The following TUBE1 variants were observed in gnomAD, a reference collection of about 807,000 sequenced individuals.
The protein encoded by TUBE1 is tubulin epsilon chain.
A neutral mutation model predicts 53.5 loss-of-function variants in TUBE1; 34 were observed. The ratio of observed to expected loss-of-function variants is 0.64; its 90% CI spans 0.48 to 0.85. The LOEUF is 0.85. Ranked by LOEUF, TUBE1 falls within the 40% of genes least tolerant of loss-of-function variation. TUBE1 has a pLI of 0.00. For missense variants in TUBE1, 532 were observed against 570.5 expected, an observed-to-expected ratio of 0.93 and a Z score of 0.69; for synonymous variants, 177 against 198.4, an observed-to-expected ratio of 0.89 and a Z score of 0.91.
chr6:112,076,332 A>G lies in TUBE1; in HGVS notation c.626T>C (p.Ile209Thr). 1 of 1,571,862 alleles carries G rather than the reference A, an allele frequency of 6.4e-7. No homozygotes were observed. Among genetic ancestry groups the G allele is most frequent in the Non-Finnish European group, 8.6e-7 (1 of 1,160,334 alleles). ...LNEHADCVLP[I>T]DNQSLFDIIS... is the part of the protein sequence containing the mutation. ...AATGTCATTTCTTACTTGATTGTCA[A>G]TGGGCAATACACAGTCTGCATGCTC... Residue 209 changes from isoleucine (I) to threonine (T), a missense_variant, in exon 7 of 12, where the codon ATT becomes ACT. Transcript: ENST00000368662.
chr6:112,085,782 T>G, intron 3 of TUBE1: 1 of 463,580 alleles, frequency 2.2e-6, no homozygotes, highest in Non-Finnish European at 4.4e-6. Context: ...AAAATGAGAA[T>G]TTGGTCTTTG....
chr6:112,078,395 T>TA (rs587711096), intron 6 of TUBE1: 115 of 152,130 alleles, frequency 7.6e-4, no homozygotes, highest in African/African-American at 2.7e-3. Flanking sequence ...AGAGAGCTGA[T>TA]ATGGAAAGAT....
rs587620890 is a variant in TUBE1, at chr6:112,083,467, C to T, written c.210+722G>A. On this transcript the variant is annotated intron_variant, in intron 4 of 11. Coordinates refer to ENST00000368662, the MANE Select transcript of TUBE1 (RefSeq NM_016262.5). ...CCGAGCAGCTAGGACTACAGGTGCC[C>T]GCCACCTCGCCCAGCTAATTTTTTG... Among the ~76,000 whole-genome samples, 224 of 151,970 alleles carry T rather than the reference C, an allele frequency of 1.5e-3. 1 individual carries two copies. Among genetic ancestry groups the T allele is most frequent in the Non-Finnish European group, 2.0e-3 (135 of 67,948 alleles).
At position 112,078,969 on chromosome 6, in the gene TUBE1, G is replaced by A. The variant is rs1160906099; in HGVS notation, c.448+664C>T. Reference sequence around the variant, plus strand: ...ATTTTGTTCTTTTAAAATTTGCTAAGCGTATTTAAAAATCAGCAAGTTACA... The same window carrying A: ...ATTTTGTTCTTTTAAAATTTGCTAAACGTATTTAAAAATCAGCAAGTTACA... On this transcript the variant is annotated intron_variant, in intron 6 of 11. Coordinates refer to ENST00000368662, the MANE Select transcript of TUBE1 (RefSeq NM_016262.5). Among the ~76,000 whole-genome samples the A allele has an allele frequency of 5.3e-5, 8 of 152,034 alleles. No homozygotes were observed. In the East Asian group the frequency reaches 1.5e-3, roughly 29 times the overall value.
Position 112,072,909 on chromosome 6 carries a change from G to T in TUBE1, c.954-11C>A. 1 of 1,611,118 alleles carries T rather than the reference G, an allele frequency of 6.2e-7. No individual in the cohort carries two copies. Among genetic ancestry groups the T allele is most frequent in the South Asian group, 1.1e-5 (1 of 90,752 alleles). On this transcript the variant is annotated splice_polypyrimidine_tract_variant and intron_variant, in intron 9 of 11. Transcript: ENST00000368662. ...AACATCTGATCCAATCTGCAACAATGAAATTGTCATTGTTTATACAAAATA... is the reference window on the plus strand; with the variant it reads ...AACATCTGATCCAATCTGCAACAATTAAATTGTCATTGTTTATACAAAATA...
chr6:112,076,506 G>C lies in TUBE1; in HGVS notation c.452C>G (p.Thr151Arg), dbSNP rs782718718. 5 of 1,586,262 alleles carry C rather than the reference G, an allele frequency of 3.2e-6. No homozygotes were observed. Among genetic ancestry groups the C allele is most frequent in the Non-Finnish European group, 3.4e-6 (4 of 1,168,712 alleles). ...FFIIHSMGGG[T>R]GSGLGTFLLK... ...AAGAAATGTGCCAAGTCCAGATCCT[G>C]TTCCTGAGGATTAAAGTGTTTTTAA... Residue 151 changes from threonine (T) to arginine (R), a missense_variant, in exon 7 of 12, where the codon ACA (threonine) becomes AGA (arginine). By Grantham distance (71) the Thr-to-Arg change is moderately conservative. Coordinates refer to ENST00000368662, the MANE Select transcript of TUBE1 (RefSeq NM_016262.5).
At chr6:112,075,851 A>T in intron 8 of TUBE1, 86 bp downstream of exon 8, 1 of 1,248,550 alleles carries the variant, frequency 8.0e-7, no homozygotes, top group Non-Finnish European at 1.1e-6. Context: ...TCTACAATTT[A>T]GAATAACTAA....
chr6:112,072,863 T>TC lies in TUBE1; in HGVS notation c.988dup (p.Asp330GlyfsTer22). On this transcript the variant is annotated frameshift_variant, in exon 10 of 12. Transcript: ENST00000368662. LOFTEE classifies it high-confidence loss of function. ...GGGGTCTGCCCGAAGCAGCTGGTGA[T>TC]CTTTACTAAAGGCATCTGAAAACAT... 3.7e-6 allele frequency: 6 copies of TC among 1,613,494 alleles called. No homozygotes were observed. Among genetic ancestry groups the TC allele is most frequent in the Non-Finnish European group, 5.1e-6 (6 of 1,179,696 alleles).
chr6:112,071,680 A>C (rs1482192438), intron 11 of TUBE1, 110 bp from the exon 12 acceptor site: 6 of 1,035,520 alleles, frequency 5.8e-6, no homozygotes, highest in Non-Finnish European at 8.1e-6. Flanking sequence ...TCAGCTCTAC[A>C]TTTGAAAGAG....
In TUBE1 at chr6:112,072,792, C is replaced by A. The variant is rs782226239; in HGVS notation, c.1060G>T (p.Val354Leu). ...LACALMVRGN[V>L]QISDLRRNIE... Reference sequence around the variant, plus strand: ...TTTCTACGAAGATCTGAAATTTGTACATTTCCTCTAACCATGAGTGCACAG... The same window carrying A: ...TTTCTACGAAGATCTGAAATTTGTAAATTTCCTCTAACCATGAGTGCACAG... Residue 354 changes from valine (V) to leucine (L), a missense_variant, in exon 10 of 12, where the codon GTA becomes TTA. Val to Leu is a conservative substitution (Grantham distance 32, BLOSUM62 1). Transcript: ENST00000368662. The A allele has an allele frequency of 2.5e-6, 4 of 1,613,342 alleles. No homozygotes were observed. The highest frequency in any genetic ancestry group is 3.4e-6 in the Non-Finnish European group (4 of 1,179,522).
chr6:112,076,179 G>A, intron 7 of TUBE1, 67 bp from the exon 8 acceptor site: 1 of 1,486,654 alleles, frequency 6.7e-7, no homozygotes, highest in African/African-American at 1.4e-5. Context: ...ATTCTACTAG[G>A]AAAGAGAAAG....
At position 112,076,037 on chromosome 6, in the gene TUBE1, T is replaced by A. The variant is rs189288102; in HGVS notation, c.712A>T (p.Ser238Cys). The A allele has an allele frequency of 1.4e-4, 229 of 1,613,966 alleles. 1 individual carries two copies. In the East Asian group the frequency reaches 4.7e-3, roughly 33 times the overall value. Reference sequence around the variant, plus strand: ...GCCCCAGAACTTGAAGTAACCAGACTCTTTGGCTTCACAGTTGTACCCAAC... The same window carrying A: ...GCCCCAGAACTTGAAGTAACCAGACACTTTGGCTTCACAGTTGTACCCAAC... ...GKLGTTVKPK[S>C]LVTSSSGALK... Residue 238 changes from serine (S) to cysteine (C), a missense_variant, in exon 8 of 12, where the codon AGT becomes TGT. By Grantham distance (112) the Ser-to-Cys change is moderately radical. Transcript: ENST00000368662.
chr6:112,087,354 A>C, intron 1 of TUBE1, 48 bp from the exon 2 acceptor site: 1 of 1,551,400 alleles, frequency 6.4e-7, no homozygotes, highest in Non-Finnish European at 8.7e-7. Flanking sequence ...TTAAGCAGGA[A>C]ACATGGCCGC....
chr6:112,079,771 G>C lies in TUBE1; in HGVS notation c.327-17C>G, dbSNP rs199726700. 333 of 1,583,692 alleles carry C rather than the reference G, an allele frequency of 2.1e-4. 1 individual carries two copies. The African/African-American group carries it at 4.0e-3, about 19-fold the overall frequency. On this transcript the variant is annotated splice_polypyrimidine_tract_variant and intron_variant, in intron 5 of 11. Transcript: ENST00000368662. ...CCCACGGCCCTGAAAATTAGAATATGGATTTTAAAAATTCCTTGCATTTAT... is the reference window on the plus strand; with the variant it reads ...CCCACGGCCCTGAAAATTAGAATATCGATTTTAAAAATTCCTTGCATTTAT...
rs782271585 is a variant in TUBE1 at position 112,084,185 on chromosome 6, T to C, written c.210+4A>G. The C allele has an allele frequency of 3.1e-6, 5 of 1,600,036 alleles. No homozygotes were observed. In the South Asian group the frequency reaches 5.5e-5, roughly 18 times the overall value. ...ATATAAGAATCCAAGCATATGTATC[T>C]TACTCGTGCTTTTAAAGAACATATT... On this transcript the variant is annotated splice_donor_region_variant and intron_variant, in intron 4 of 11. Transcript: ENST00000368662.
At chr6:112,077,874 G>A (rs1363216557) in intron 6 of TUBE1, 2 of 151,930 alleles carry the variant, frequency 1.3e-5, no homozygotes, top group South Asian at 4.1e-4. Flanking sequence ...ATGATGGGAA[G>A]GACTAAGTTT....
chr6:112,083,443 C>T lies in TUBE1; in HGVS notation c.210+746G>A, dbSNP rs183521485. The stretch of plus-strand genomic sequence containing the variant: ...ACGCCATTTTCCTGCCTCAGCCTCC[C>T]GAGCAGCTAGGACTACAGGTGCCCG... On this transcript the variant is annotated intron_variant, in intron 4 of 11. Transcript: ENST00000368662. Among the ~76,000 whole-genome samples, 27 of 151,878 alleles carry T rather than the reference C, an allele frequency of 1.8e-4. 1 individual carries two copies. Among genetic ancestry groups the T allele is most frequent in the East Asian group, 9.7e-4 (5 of 5,162 alleles).
At chr6:112,074,385 A>G (rs1205922821) in intron 9 of TUBE1, among the ~76,000 whole-genome samples, 1 of 150,378 alleles carries the variant, frequency 6.6e-6, no homozygotes, top group Non-Finnish European at 1.5e-5. Flanking sequence ...CAGATGAGAA[A>G]AACTAAGAAA....
chr6:112,071,600 C>T lies in TUBE1; in HGVS notation c.1270-30G>A, dbSNP rs370736131. On this transcript the variant is annotated intron_variant, in intron 11 of 11. Coordinates refer to ENST00000368662, the MANE Select transcript of TUBE1 (RefSeq NM_016262.5). ...AAATTAAAAAATTAGGTAACGTTTA[C>T]CATTTCAGGAACTTTAATACATAAG... 25 of 1,542,654 alleles carry T rather than the reference C, an allele frequency of 1.6e-5. No individual in the cohort carries two copies. The African/African-American group carries it at 3.3e-4, about 20-fold the overall frequency.
Sources: allele counts gnomAD v4.1 joint callset (sites outside exome capture counted in the v4.1 genomes callset), GRCh38; gene constraint gnomAD v4.1.1; transcripts MANE v1.5; gene names NCBI Gene and HGNC (gene_info 2026-07-23, HGNC 2026-07-21).